RNLS: variants seen among roughly 807,000 people sequenced by gnomAD.
RNLS encodes renalase, FAD dependent amine oxidase.
RNLS carries 39 observed loss-of-function variants against 39.8 expected under a neutral mutation model. That is an observed-to-expected ratio of 0.98 (90% CI 0.76 to 1.28). RNLS has a LOEUF of 1.28. Among genes scored for constraint, RNLS ranks in the 50% most tolerant of loss-of-function variants. RNLS has a pLI of 0.00. For synonymous variants in RNLS, 147 were observed against 150.7 expected, an observed-to-expected ratio of 0.98 and a Z score of 0.18; for missense variants, 410 against 413.3, an observed-to-expected ratio of 0.99 and a Z score of 0.07.
At chr10:88,407,034 T>C (rs1286415117) in intron 4 of RNLS, among the ~76,000 whole-genome samples, 2 of 151,962 alleles carry the variant, frequency 1.3e-5, no homozygotes, top group Non-Finnish European at 2.9e-5. Flanking sequence ...ACAATGGACT[T>C]TGGGGACTTG....
the RNLS span, among the ~76,000 whole-genome samples, chr10:88,231,476 G>A: frequency 6.6e-6 from 1 of 152,100 alleles, no homozygotes; most frequent in Non-Finnish European, 1.5e-5. Context: ...GGTTATGGCA[G>A]TCCTTGGAAA....
chr10:88,387,227 G>C (rs1296481567), intron 4 of RNLS, among the ~76,000 whole-genome samples: 1 of 152,178 alleles, frequency 6.6e-6, no homozygotes, highest in Non-Finnish European at 1.5e-5. Context: ...GGAATAGAGT[G>C]GGGGTGGGAG....
At chr10:88,192,689 G>A in the RNLS span, among the ~76,000 whole-genome samples, 4 of 152,276 alleles carry the variant, frequency 2.6e-5, no homozygotes, top group South Asian at 6.2e-4. Context: ...AAATCCTCTT[G>A]CTAATTTGTG....
intron 4 of RNLS, among the ~76,000 whole-genome samples, chr10:88,511,924 A>T (rs1685821865): frequency 6.6e-6 from 1 of 152,204 alleles, no homozygotes; most frequent in Admixed American, 6.5e-5. Flanking sequence ...CCTGCATAAT[A>T]TCCCATAATA....
At chr10:88,298,168 TG>T (rs1178571821) in intron 6 of RNLS, among the ~76,000 whole-genome samples, 2 of 152,154 alleles carry the variant, frequency 1.3e-5, no homozygotes, top group Non-Finnish European at 2.9e-5. Context: ...TTAATTGGGT[TG>T]GTTTTTTTAT....
chr10:88,286,906 C>T (rs1316916946), intron 6 of RNLS, among the ~76,000 whole-genome samples: 2 of 151,808 alleles, frequency 1.3e-5, no homozygotes, highest in African/African-American at 4.8e-5. Context: ...ATTCTCCTGC[C>T]TTAGCTTCCT....
intron 4 of RNLS, among the ~76,000 whole-genome samples, chr10:88,495,532 G>A (rs1484198946): frequency 6.6e-6 from 1 of 152,176 alleles, no homozygotes; most frequent in Non-Finnish European, 1.5e-5. Context: ...CAAGGATTAT[G>A]TCAAAGTAAT....
rs567689522 is a variant in RNLS, at chr10:88,303,150, G to A, written c.876+11316C>T. ...ACCATAGGCCTGTGGAACTCTGGCA[G>A]GAGAAGATTCCTTAATCACCATGGA... On this transcript the variant is annotated intron_variant, in intron 6 of 6. Coordinates refer to ENST00000331772, the MANE Select transcript of RNLS (RefSeq NM_001031709.3). Among the ~76,000 whole-genome samples the A allele has an allele frequency of 3.7e-4, 57 of 152,354 alleles. No individual in the cohort carries two copies. In the East Asian group the frequency reaches 8.1e-3, roughly 22 times the overall value.
At chr10:88,182,019 A>G in the RNLS span, among the ~76,000 whole-genome samples, 1 of 152,166 alleles carries the variant, frequency 6.6e-6, no homozygotes, top group Non-Finnish European at 1.5e-5. Context: ...TTTGCTCTTC[A>G]AACACCACTT....
chr10:88,210,051 A>G, the RNLS span, among the ~76,000 whole-genome samples: 1 of 152,220 alleles, frequency 6.6e-6, no homozygotes, highest in Non-Finnish European at 1.5e-5. Flanking sequence ...TCTCTGAACT[A>G]ATTGTACCGT....
chr10:88,306,907 T>C (rs990848506), intron 6 of RNLS, among the ~76,000 whole-genome samples: 4 of 152,082 alleles, frequency 2.6e-5, no homozygotes, highest in Non-Finnish European at 4.4e-5. Context: ...CCTTGAACAT[T>C]GATGCAAAAA....
In RNLS at chr10:88,564,316, TACACACAC is replaced by T. The variant is rs5786827; in HGVS notation, c.526+8579_526+8586del. ...TTTGAAAGGTTGTGATGACTGCAAATACACACACACACACACACACACACACACACATG... is the reference window on the plus strand; with the variant it reads ...TTTGAAAGGTTGTGATGACTGCAAATACACACACACACACACACACACATG... On this transcript the variant is annotated intron_variant, in intron 4 of 6. Coordinates refer to ENST00000331772, the MANE Select transcript of RNLS (RefSeq NM_001031709.3). 5.9e-4 allele frequency among the ~76,000 whole-genome samples: 88 copies of T among 148,978 alleles called. 1 individual carries two copies. The South Asian group carries it at 0.014, about 24-fold the overall frequency.
intron 6 of RNLS, 50 bp from the exon 7 acceptor site, chr10:88,285,556 C>G: frequency 6.6e-7 from 1 of 1,521,576 alleles, no homozygotes; most frequent in Non-Finnish European, 9.1e-7. Context: ...CTCTATTGTG[C>G]TGTCATGGCA....
intron 6 of RNLS, among the ~76,000 whole-genome samples, chr10:88,300,101 T>C (rs1251322310): frequency 6.6e-6 from 1 of 152,184 alleles, no homozygotes; most frequent in African/African-American, 2.4e-5. Flanking sequence ...AGGACTGCAT[T>C]TGAATGCCAG....
intron 5 of RNLS, among the ~76,000 whole-genome samples, chr10:88,352,619 T>C (rs1848802453): frequency 6.6e-6 from 1 of 152,218 alleles, no homozygotes; most frequent in Non-Finnish European, 1.5e-5. Context: ...TTATTGAGGA[T>C]TTTTGCATCG....
At chr10:88,253,995 T>A in the RNLS span, among the ~76,000 whole-genome samples, 1 of 152,240 alleles carries the variant, frequency 6.6e-6, no homozygotes, top group Non-Finnish European at 1.5e-5. Flanking sequence ...AACAATTTCT[T>A]TGTGTCCTCT....
intron 4 of RNLS, among the ~76,000 whole-genome samples, chr10:88,529,421 A>G (rs1847292374): frequency 6.6e-6 from 1 of 152,198 alleles, no homozygotes; most frequent in Non-Finnish European, 1.5e-5. Flanking sequence ...TATATCAGTA[A>G]CAAAAGTGGT....
At chr10:88,514,144 T>C (rs1846288310) in intron 4 of RNLS, among the ~76,000 whole-genome samples, 1 of 151,320 alleles carries the variant, frequency 6.6e-6, no homozygotes, top group Non-Finnish European at 1.5e-5. Context: ...AAAGGTTTAA[T>C]TGACTCATAG....
chr10:88,419,047 C>T (rs1854216289), intron 4 of RNLS, among the ~76,000 whole-genome samples: 1 of 152,154 alleles, frequency 6.6e-6, no homozygotes, highest in Non-Finnish European at 1.5e-5. Flanking sequence ...CTTAACCACT[C>T]CACTGGCCAA....
Sources: gnomAD v4.1 joint callset for allele counts (sites outside exome capture counted in the v4.1 genomes callset) on GRCh38, gnomAD v4.1.1 for gene constraint, MANE v1.5 for transcripts, NCBI Gene and HGNC (gene_info 2026-07-23, HGNC 2026-07-21) for gene names.